PARP6: variants seen among roughly 807,000 people sequenced by gnomAD.
The protein encoded by PARP6 is protein mono-ADP-ribosyltransferase PARP6.
In PARP6, 27 loss-of-function variants were observed where a neutral mutation model predicts 92.0. The observed-to-expected ratio is 0.29, with a 90% CI of 0.22 to 0.40. The LOEUF (loss-of-function observed/expected upper bound fraction) is 0.40, where lower values mean the gene tolerates loss of function less well. Ranked by LOEUF, PARP6 falls within the 10% of genes least tolerant of loss-of-function variation. The pLI is 1.00. For missense variants in PARP6, 501 were observed against 784.5 expected (o/e 0.64, Z 4.32); for synonymous variants, 272 against 281.2 (o/e 0.97, Z 0.33).
chr15:72,266,611 A>G, intron 4 of PARP6, 134 bp downstream of exon 4: 1 of 691,972 alleles, frequency 1.4e-6, no homozygotes, highest in South Asian at 1.7e-5. Context: ...CTCTGACAAG[A>G]CCATGCTCAG....
At chr15:72,259,778 T>A (rs1416691614) in intron 10 of PARP6, 117 bp from the exon 11 acceptor site, 1 of 836,820 alleles carries the variant, frequency 1.2e-6, no homozygotes, top group Non-Finnish European at 1.9e-6. Flanking sequence ...TAGCTCAGAA[T>A]CCCGAAGCTA....
chr15:72,258,271 C>T, intron 11 of PARP6, 139 bp from the exon 12 acceptor site: 1 of 666,224 alleles, frequency 1.5e-6, no homozygotes, highest in South Asian at 1.7e-5. Context: ...AGGCTGTGTA[C>T]TTAAACTGAT....
chr15:72,246,748 C>T (rs766395814), intron 20 of PARP6, among the ~76,000 whole-genome samples: 3 of 138,406 alleles, frequency 2.2e-5, no homozygotes, highest in Non-Finnish European at 4.7e-5. Context: ...TCTTATTGAA[C>T]ATATTTATTA....
chr15:72,268,930 A>G (rs2086976609), intron 2 of PARP6, among the ~76,000 whole-genome samples: 1 of 152,230 alleles, frequency 6.6e-6, no homozygotes, highest in Non-Finnish European at 1.5e-5. Context: ...AGCAACTTTT[A>G]GCTCCATTAA....
rs770519867 is a variant in PARP6, at chr15:72,265,077, T to C, written c.328+4A>G. 1.8e-5 allele frequency: 29 copies of C among 1,604,636 alleles called. No individual in the cohort carries two copies. Among genetic ancestry groups the C allele is most frequent in the Non-Finnish European group, 2.4e-5 (28 of 1,171,644 alleles). On this transcript the variant is annotated splice_donor_region_variant and intron_variant, in intron 7 of 23. Transcript: ENST00000569795. ...ACCCACTTGCCCAAAGTCACTGCCT[T>C]TACCTGGTCCATCTAGGTACTGGGA...
chr15:72,260,391 TC>T (rs552160392), intron 10 of PARP6, 86 bp downstream of exon 10: 2 of 1,069,246 alleles, frequency 1.9e-6, no homozygotes, highest in Non-Finnish European at 2.8e-6. Flanking sequence ...GACAACCATA[TC>T]CCCACCCCAT....
chr15:72,254,120 G>GC (rs893417823), intron 15 of PARP6: 6 of 476,820 alleles, frequency 1.3e-5, no homozygotes, highest in Non-Finnish European at 2.0e-5. Context: ...TTACCTTCAA[G>GC]CCCCCCTCCT....
rs1184443007 is a variant in PARP6 at position 72,271,252 on chromosome 15, C to T, written c.-424G>A. The T allele has an allele frequency of 6.6e-6, 1 of 152,172 alleles. No individual in the cohort carries two copies. The highest frequency in any genetic ancestry group is 2.4e-5 in the African/African-American group (1 of 41,448). 9.4% of individuals were successfully genotyped at this position (152,172 alleles called of 1,614,324 possible). On this transcript the variant is annotated 5_prime_UTR_variant, in exon 2 of 24. Coordinates refer to ENST00000569795, the MANE Select transcript of PARP6 (RefSeq NM_001323532.2). ...CTGCAGAAGTCAAGAAAAATTTAGC[C>T]TCTTTCCAAGGGCTGTTGCTGCTTG...
At chr15:72,253,388 ACTCC>A in intron 16 of PARP6, 45 bp downstream of exon 16, 11 of 1,441,352 alleles carry the variant, frequency 7.6e-6, no homozygotes, top group Non-Finnish European at 9.8e-6. Context: ...ATGTCCAATA[ACTCC>A]CTCCCTCCCC....
chr15:72,248,021 T>A (rs1206032580), intron 20 of PARP6, among the ~76,000 whole-genome samples: 1 of 152,188 alleles, frequency 6.6e-6, no homozygotes, highest in Non-Finnish European at 1.5e-5. Flanking sequence ...TCTGCCCACA[T>A]CAGCCTCCCA....
rs1253849435 is a variant in PARP6, at chr15:72,242,201, C to T, written c.1661G>A (p.Arg554Gln). The change falls in exon 22 of 24, where the codon CGG becomes CAG. Residue 554 changes from arginine to glutamine, a missense_variant. Physicochemically the swap from Arg to Gln is conservative, Grantham distance 43. Around this residue, in one of 4 missense-constraint regions of PARP6, gnomAD observed 191 missense variants for 399.1 expected, o/e 0.48. Transcript: ENST00000569795. The surrounding 1 kb of genome is among the most constrained non-coding windows in gnomAD (Gnocchi z 4.3). The stretch of plus-strand genomic sequence containing the variant: ...GTTTAGATTCCGACTCTGCAGGAAC[C>T]GTGACTGAATGGATCGGGTCTGGAA... ...TIPQTRSIQSRFLQSRNLNCI... is the reference protein window; with the variant it reads ...TIPQTRSIQSQFLQSRNLNCI... 1.2e-6 allele frequency: 2 copies of T among 1,614,084 alleles called. No individual in the cohort carries two copies. The highest frequency in any genetic ancestry group is 1.7e-6 in the Non-Finnish European group (2 of 1,179,962).
At chr15:72,256,664 TTC>T (rs2085179746) in intron 13 of PARP6, 74 bp from the exon 14 acceptor site, 1 of 1,229,962 alleles carries the variant, frequency 8.1e-7, no homozygotes, top group African/African-American at 1.6e-5. Flanking sequence ...TACCCAGTAT[TTC>T]TCTCTGATGT....
At chr15:72,252,938 T>C (rs957465183) in intron 16 of PARP6, among the ~76,000 whole-genome samples, 6 of 152,062 alleles carry the variant, frequency 3.9e-5, no homozygotes, top group African/African-American at 1.4e-4. Flanking sequence ...CCCAGCACTT[T>C]GGGAAGCCAA....
rs776025434 is a variant in PARP6 at position 72,264,511 on chromosome 15, C to A, written c.395+44G>T. The A allele has an allele frequency of 9.0e-6, 13 of 1,441,398 alleles. No individual in the cohort carries two copies. In the South Asian group the frequency reaches 1.0e-4, roughly 11 times the overall value. 89.3% of individuals were successfully genotyped at this position (1,441,398 alleles called of 1,614,324 possible). ...CATCCATATATTTCCACCTCTCTCT[C>A]CTTCCTTCACATGTCCATGACCAGA... On this transcript the variant is annotated intron_variant, in intron 8 of 23. Coordinates refer to ENST00000569795, the MANE Select transcript of PARP6 (RefSeq NM_001323532.2).
At chr15:72,258,716 T>C (rs1476001998) in intron 11 of PARP6, among the ~76,000 whole-genome samples, 1 of 151,672 alleles carries the variant, frequency 6.6e-6, no homozygotes, top group East Asian at 1.9e-4. Context: ...AGCAATATCC[T>C]ACAGCGTTTT....
chr15:72,253,728 G>T, intron 15 of PARP6: 1 of 674,124 alleles, frequency 1.5e-6, no homozygotes, highest in Non-Finnish European at 2.7e-6. Flanking sequence ...CAACATGCAG[G>T]TGGGTCTCCC....
In PARP6 at chr15:72,260,544, G is replaced by A; in HGVS notation, c.690C>T (p.Ser230=). 3 of 1,614,212 alleles carry A rather than the reference G, an allele frequency of 1.9e-6. No homozygotes were observed. The highest frequency in any genetic ancestry group is 2.5e-6 in the Non-Finnish European group (3 of 1,180,036). ...GAGGGCACAGGAGACCTGCCTGGGGGCTGGGAGGGTAGCCAAACACTTCCA... is the reference window on the plus strand; with the variant it reads ...GAGGGCACAGGAGACCTGCCTGGGGACTGGGAGGGTAGCCAAACACTTCCA... ...PKVEVFGYPP[S]PQAGLLCPQH... Residue 230 remains serine, a synonymous_variant, in exon 10 of 24, where the codon AGC becomes AGT. Transcript: ENST00000569795.
intron 7 of PARP6, 89 bp from the exon 8 acceptor site, chr15:72,264,710 A>C: frequency 1.0e-6 from 1 of 999,910 alleles, no homozygotes; most frequent in Non-Finnish European, 1.6e-6. Flanking sequence ...CATACATTCT[A>C]AAGATCATAG....
chr15:72,246,234 C>T (rs1225002411), intron 20 of PARP6, among the ~76,000 whole-genome samples: 1 of 152,218 alleles, frequency 6.6e-6, no homozygotes, highest in African/African-American at 2.4e-5. Context: ...ACTGCAACCT[C>T]CGCCTCCCAG....
Sources: gnomAD v4.1 joint callset for allele counts (sites outside exome capture counted in the v4.1 genomes callset) on GRCh38, gnomAD v4.1.1 for gene constraint, gnomAD v4.1.1 regional missense constraint, Gnocchi (gnomAD v3.1) non-coding constraint, MANE v1.5 for transcripts, NCBI Gene and HGNC (gene_info 2026-07-23, HGNC 2026-07-21) for gene names.